The following AKT3 variants were observed in gnomAD, a reference collection of about 807,000 sequenced individuals.
AKT3 encodes the protein AKT serine/threonine kinase 3.
In AKT3, 15 loss-of-function variants were observed where a neutral mutation model predicts 65.3. The observed-to-expected ratio is 0.23, with a 90% confidence interval of 0.15 to 0.35. The LOEUF is 0.35. Among genes scored for constraint, AKT3 ranks in the 10% least tolerant of loss-of-function variants. AKT3 has a pLI of 1.00. For missense variants in AKT3, 243 were observed against 576.5 expected (o/e 0.42, Z 5.92); for synonymous variants, 206 against 183.8 (o/e 1.12, Z -0.98).
chr1:243,631,365 G>A (rs1416194497), intron 6 of AKT3, among the ~76,000 whole-genome samples: 1 of 152,134 alleles, frequency 6.6e-6, no homozygotes, highest in African/African-American at 2.4e-5. Context: ...AGGCTGGAGT[G>A]CAGTGGCACG....
intron 3 of AKT3, among the ~76,000 whole-genome samples, chr1:243,682,024 T>C (rs979496557): frequency 8.6e-5 from 13 of 152,044 alleles, no homozygotes; most frequent in Admixed American, 2.6e-4. Flanking sequence ...AACAATCATC[T>C]TTCTAATTAC....
At chr1:243,493,625 T>A (rs1307868518) in intron 13 of AKT3, among the ~76,000 whole-genome samples, 2 of 152,062 alleles carry the variant, frequency 1.3e-5, no homozygotes, top group African/African-American at 4.8e-5. Context: ...ACTTACAGTT[T>A]AGAAAACAGA....
At chr1:243,495,636 C>T (rs560476416), downstream of AKT3, among the ~76,000 whole-genome samples, 114 of 152,300 alleles carry the variant, frequency 7.5e-4, no homozygotes, top group African/African-American at 2.7e-3. Flanking sequence ...ACAGCAGGGC[C>T]GCAGGGGCCT....
intron 9 of AKT3, among the ~76,000 whole-genome samples, chr1:243,564,397 A>G (rs929217861): frequency 6.6e-6 from 1 of 152,218 alleles, no homozygotes; most frequent in Admixed American, 6.5e-5. Context: ...CCTTTTAAAT[A>G]TAAAAAGAAA....
At chr1:243,814,734 C>T (rs1437816750) in intron 2 of AKT3, 2 of 152,200 alleles carry the variant, frequency 1.3e-5, no homozygotes, top group Non-Finnish European at 2.9e-5. Flanking sequence ...CACTGCATAA[C>T]AGATTACCAC....
intron 3 of AKT3, among the ~76,000 whole-genome samples, chr1:243,682,568 G>A (rs1223573078): frequency 1.3e-5 from 2 of 152,130 alleles, no homozygotes; most frequent in East Asian, 3.9e-4. Context: ...AACAATGTCT[G>A]ACATGATTAG....
chr1:243,654,676 G>C (rs1457618893), intron 4 of AKT3, among the ~76,000 whole-genome samples: 1 of 152,048 alleles, frequency 6.6e-6, no homozygotes, highest in Non-Finnish European at 1.5e-5. Context: ...GAAAATAGTT[G>C]TTTCTTAGCA....
rs143722708 is a variant in AKT3, at chr1:243,842,980, AAC to A, written c.46+143_46+144del. ...ATCCCTTAATAACAAGCAAATTCCT[AAC>A]ACACGTTAAATATATCATTTCTCTC... On this transcript the variant is annotated intron_variant, in intron 2 of 13. Coordinates refer to ENST00000673466, the MANE Select transcript of AKT3 (RefSeq NM_005465.7). 2.9e-3 allele frequency: 2,425 copies of A among 838,436 alleles called. 46 individuals carry two copies. The African/African-American group carries it at 0.038, about 13-fold the overall frequency. The allele number at this position is 838,436 out of a possible 1,614,324, so 51.9% of individuals were successfully genotyped here.
intron 2 of AKT3, among the ~76,000 whole-genome samples, chr1:243,758,371 T>C (rs1183522558): frequency 6.6e-6 from 1 of 152,190 alleles, no homozygotes; most frequent in East Asian, 1.9e-4. Flanking sequence ...GGAAGCTCGA[T>C]ATAGATACCT....
At chr1:243,671,424 G>A (rs373687200) in intron 3 of AKT3, among the ~76,000 whole-genome samples, 2 of 152,124 alleles carry the variant, frequency 1.3e-5, no homozygotes, top group African/African-American at 2.4e-5. Flanking sequence ...AATGCTGGCT[G>A]TGAGTTATGA....
intron 2 of AKT3, among the ~76,000 whole-genome samples, chr1:243,760,887 G>A (rs1056243125): frequency 6.6e-6 from 1 of 152,130 alleles, no homozygotes; most frequent in African/African-American, 2.4e-5. Context: ...TCATGGCCAT[G>A]AGTTCAATGT....
chr1:243,717,527 T>C (rs1686588822), intron 2 of AKT3, among the ~76,000 whole-genome samples: 2 of 152,244 alleles, frequency 1.3e-5, no homozygotes, highest in South Asian at 2.1e-4. Flanking sequence ...AACTACTACT[T>C]GCTACTTTAA....
intron 2 of AKT3, among the ~76,000 whole-genome samples, chr1:243,708,978 A>G (rs1685979970): frequency 6.6e-6 from 1 of 152,040 alleles, no homozygotes; most frequent in Non-Finnish European, 1.5e-5. Context: ...AAGAATCTTT[A>G]CATAGCATAA....
chr1:243,519,557 AATG>A (rs1670581190), intron 12 of AKT3, among the ~76,000 whole-genome samples: 1 of 152,054 alleles, frequency 6.6e-6, no homozygotes, highest in Non-Finnish European at 1.5e-5. Flanking sequence ...AGGGCAGGAG[AATG>A]ATAACACCTG....
intron 4 of AKT3, among the ~76,000 whole-genome samples, chr1:243,658,632 A>G (rs986971293): frequency 5.9e-5 from 9 of 152,194 alleles, no homozygotes; most frequent in Admixed American, 5.2e-4. Context: ...TTATTCAAAC[A>G]AAGTGAAATG....
At chr1:243,843,659 T>G (rs1469303602) in intron 1 of AKT3, 24 of 860,494 alleles carry the variant, frequency 2.8e-5, no homozygotes, top group South Asian at 2.1e-4. Context: ...ATTTTTTGTT[T>G]TTTTTTTTTT....
downstream of AKT3, among the ~76,000 whole-genome samples, chr1:243,495,613 C>G (rs1160925543): frequency 6.6e-6 from 1 of 152,180 alleles, no homozygotes; most frequent in African/African-American, 2.4e-5. Flanking sequence ...GAACTTCAGT[C>G]GCTGTGCTGG....
At chr1:243,495,969 A>G (rs1254960369), downstream of AKT3, among the ~76,000 whole-genome samples, 1 of 152,172 alleles carries the variant, frequency 6.6e-6, no homozygotes, top group Admixed American at 6.5e-5. Flanking sequence ...CTTCAGAGAC[A>G]TGTGTTAGCT....
chr1:243,497,959 G>A (rs893376988), downstream of AKT3, among the ~76,000 whole-genome samples: 2 of 152,198 alleles, frequency 1.3e-5, no homozygotes, highest in African/African-American at 4.8e-5. Flanking sequence ...TGGGATTACA[G>A]GTGTGAGCCA....
Sources: gnomAD v4.1 joint callset for allele counts (sites outside exome capture counted in the v4.1 genomes callset) on GRCh38, gnomAD v4.1.1 for gene constraint, MANE v1.5 for transcripts, NCBI Gene and HGNC (gene_info 2026-07-23, HGNC 2026-07-21) for gene names.